Variants in FGGY observed in about 807,000 individuals in gnomAD.
The protein encoded by FGGY is FGGY carbohydrate kinase domain containing.
A neutral mutation model predicts 71.3 loss-of-function variants in FGGY; 72 were observed. That is an observed-to-expected ratio of 1.01 (90% CI 0.84 to 1.23). FGGY has a LOEUF of 1.23. FGGY is among the 50% of genes most tolerant of loss of function. FGGY has a pLI of 0.00. For missense variants in FGGY, 668 were observed against 682.3 expected, an observed-to-expected ratio of 0.98 and a Z score of 0.23; for synonymous variants, 251 against 250.3, an observed-to-expected ratio of 1.00 and a Z score of -0.02.
At chr1:59,394,843 C>T (rs767509181) in intron 5 of FGGY, among the ~76,000 whole-genome samples, 9 of 152,112 alleles carry the variant, frequency 5.9e-5, no homozygotes, top group Non-Finnish European at 1.3e-4. Context: ...AGACTAAGCT[C>T]ATCTCCTGCT....
intron 5 of FGGY, among the ~76,000 whole-genome samples, chr1:59,407,899 C>G (rs1438868972): frequency 1.3e-5 from 2 of 152,292 alleles, no homozygotes; most frequent in Admixed American, 6.5e-5. Flanking sequence ...GTAAATTGTT[C>G]ATCATCTTGT....
chr1:59,464,563 A>G (rs1312927719), intron 6 of FGGY, among the ~76,000 whole-genome samples: 2 of 152,212 alleles, frequency 1.3e-5, no homozygotes, highest in Non-Finnish European at 2.9e-5. Flanking sequence ...AACCCTTCAA[A>G]AAATCAATGA....
At chr1:59,409,616 AT>A (rs1417635379) in intron 5 of FGGY, among the ~76,000 whole-genome samples, 1 of 150,086 alleles carries the variant, frequency 6.7e-6, no homozygotes, top group African/African-American at 2.5e-5. Context: ...ATATATATAT[AT>A]ATATATAAAC....
intron 14 of FGGY, among the ~76,000 whole-genome samples, chr1:59,734,737 G>C (rs971350972): frequency 1.2e-4 from 18 of 152,320 alleles, no homozygotes; most frequent in Admixed American, 5.9e-4. Flanking sequence ...GATGGCCCTG[G>C]TCCCTCTGAC....
chr1:59,616,297 A>G (rs1204541764), intron 9 of FGGY, among the ~76,000 whole-genome samples: 1 of 152,240 alleles, frequency 6.6e-6, no homozygotes, highest in East Asian at 1.9e-4. Flanking sequence ...ATGGAATACT[A>G]TGCAGCCATA....
chr1:59,736,290 A>G (rs754656528), intron 14 of FGGY, among the ~76,000 whole-genome samples: 25 of 152,148 alleles, frequency 1.6e-4, no homozygotes, highest in Non-Finnish European at 2.9e-4. Flanking sequence ...TAATATAGTA[A>G]ATTGGCACCG....
intron 8 of FGGY, among the ~76,000 whole-genome samples, chr1:59,576,532 C>T (rs1472756399): frequency 2.0e-5 from 3 of 152,018 alleles, no homozygotes; most frequent in Non-Finnish European, 4.4e-5. Flanking sequence ...CAAACCTGCA[C>T]GTTCTGCACA....
chr1:59,534,077 C>T (rs1357803038), intron 7 of FGGY, among the ~76,000 whole-genome samples: 2 of 152,082 alleles, frequency 1.3e-5, no homozygotes, highest in Non-Finnish European at 2.9e-5. Flanking sequence ...AAGTTGAAAA[C>T]TTTGAAAAAC....
At chr1:59,473,406 C>T (rs1343570028) in intron 6 of FGGY, among the ~76,000 whole-genome samples, 2 of 152,156 alleles carry the variant, frequency 1.3e-5, no homozygotes, top group Non-Finnish European at 2.9e-5. Flanking sequence ...GGACACGCCA[C>T]CTTTAAGAAC....
At chr1:59,579,032 A>G (rs1391614164) in intron 8 of FGGY, among the ~76,000 whole-genome samples, 5 of 152,080 alleles carry the variant, frequency 3.3e-5, no homozygotes, top group South Asian at 4.1e-4. Flanking sequence ...CTTGAGCCCA[A>G]TCAGACATTT....
chr1:59,558,431 A>G (rs1285683253), intron 8 of FGGY, among the ~76,000 whole-genome samples: 2 of 152,186 alleles, frequency 1.3e-5, no homozygotes, highest in African/African-American at 2.4e-5. Context: ...GTGACATCAC[A>G]TATCAGTAGG....
At chr1:59,532,745 C>T (rs1181752015) in intron 7 of FGGY, among the ~76,000 whole-genome samples, 1 of 151,728 alleles carries the variant, frequency 6.6e-6, no homozygotes, top group Non-Finnish European at 1.5e-5. Flanking sequence ...CAATTCTTAC[C>T]ACGTTTATTC....
At chr1:59,430,555 T>TC (rs2067165099) in intron 5 of FGGY, among the ~76,000 whole-genome samples, 1 of 152,166 alleles carries the variant, frequency 6.6e-6, no homozygotes, top group Non-Finnish European at 1.5e-5. Context: ...GAGAATTTTT[T>TC]CTCATAAGGG....
intron 7 of FGGY, among the ~76,000 whole-genome samples, chr1:59,522,438 G>T (rs1005655260): frequency 6.6e-6 from 1 of 152,176 alleles, no homozygotes; most frequent in African/African-American, 2.4e-5. Context: ...GGGTGGAGAA[G>T]TGACTCTAAT....
intron 14 of FGGY, among the ~76,000 whole-genome samples, chr1:59,742,336 C>T (rs535656386): frequency 3.9e-5 from 6 of 152,234 alleles, no homozygotes; most frequent in Non-Finnish European, 8.8e-5. Context: ...GGCTTTTCAA[C>T]CCCTACTCAG....
chr1:59,421,938 G>A (rs2065508189), intron 5 of FGGY, among the ~76,000 whole-genome samples: 1 of 152,116 alleles, frequency 6.6e-6, no homozygotes, highest in Non-Finnish European at 1.5e-5. Flanking sequence ...TTTTAAAGGA[G>A]ATACCTGGGA....
At chr1:59,329,087 C>T (rs1557563414) in intron 2 of FGGY, among the ~76,000 whole-genome samples, 1 of 152,092 alleles carries the variant, frequency 6.6e-6, no homozygotes, top group Non-Finnish European at 1.5e-5. Flanking sequence ...CTGCTACACA[C>T]CTTCAATTTG....
At position 59,670,717 on chromosome 1, in the gene FGGY, G is replaced by GA. The variant is rs5774478; in HGVS notation, c.1418-3312dup. On this transcript the variant is annotated intron_variant, in intron 13 of 15. Transcript: ENST00000303721. ...CAAAAAGAAAGAGGGGCATTTGAGG[G>GA]AAAAAAAAAAGCAGCTTATTATTTT... Among the ~76,000 whole-genome samples, 37 of 151,020 alleles carry GA rather than the reference G, an allele frequency of 2.5e-4. 1 individual carries two copies. The highest frequency in any genetic ancestry group is 8.0e-4 in the African/African-American group (33 of 41,086).
chr1:59,732,995 G>C (rs2098055125), intron 14 of FGGY, among the ~76,000 whole-genome samples: 1 of 151,954 alleles, frequency 6.6e-6, no homozygotes, highest in Non-Finnish European at 1.5e-5. Flanking sequence ...TGCTTCAAAG[G>C]ACTTTCTCTC....
Sources: allele counts gnomAD v4.1 joint callset (sites outside exome capture counted in the v4.1 genomes callset), GRCh38; gene constraint gnomAD v4.1.1; transcripts MANE v1.5; gene names NCBI Gene and HGNC (gene_info 2026-07-23, HGNC 2026-07-21).